Variants in MYO6 observed in about 807,000 individuals in gnomAD.
MYO6 encodes myosin VI.
A neutral mutation model predicts 178.7 loss-of-function variants in MYO6; 74 were observed. The ratio of observed to expected loss-of-function variants is 0.41; its 90% confidence interval spans 0.34 to 0.50. The LOEUF is 0.50. Ranked by LOEUF, MYO6 falls within the 20% of genes least tolerant of loss-of-function variation. The pLI, the probability that MYO6 is intolerant of heterozygous loss-of-function variation, is 0.09. For synonymous variants in MYO6, 477 were observed against 504.6 expected (o/e 0.95, Z 0.73); for missense variants, 1,330 against 1,547.4 (o/e 0.86, Z 2.36).
At chr6:75,784,776 C>CAAAAAAAAAAA (rs754218278) in intron 1 of MYO6, among the ~76,000 whole-genome samples, 7 of 54,408 alleles carry the variant, frequency 1.3e-4, no homozygotes, top group African/African-American at 4.5e-4. Flanking sequence ...GACTCCGTCT[C>CAAAAAAAAAAA]AAAAAAAAAA....
In MYO6 at chr6:75,855,266, C is replaced by T; in HGVS notation, c.1206C>T (p.Thr402=). 1 of 1,613,424 alleles carries T rather than the reference C, an allele frequency of 6.2e-7. No individual in the cohort carries two copies. Among genetic ancestry groups the T allele is most frequent in the Non-Finnish European group, 8.5e-7 (1 of 1,179,624 alleles). ...TRVMLTTAGG[T]KGTVIKVPLK... ...TCATGCTAACAACAGCAGGGGGCAC[C>T]AAAGGAACAGTTATAAAGTAAGTTC... Residue 402 remains threonine, a synonymous_variant, in exon 12 of 35, where the codon ACC becomes ACT. Coordinates refer to ENST00000369977, the MANE Select transcript of MYO6 (RefSeq NM_004999.4).
intron 1 of MYO6, among the ~76,000 whole-genome samples, chr6:75,787,730 C>A (rs2748961): frequency 0.13 from 1,392 of 11,004 alleles, 107 homozygotes; most frequent in African/African-American, 0.16. Flanking sequence ...CTCTCTCTCT[C>A]TATATATATA....
intron 10 of MYO6, among the ~76,000 whole-genome samples, chr6:75,848,016 TTCAC>T (rs1416092343): frequency 6.6e-6 from 1 of 152,124 alleles, no homozygotes; most frequent in East Asian, 1.9e-4. Flanking sequence ...TCCCTCCTTT[TTCAC>T]TCAATTTTTG....
At chr6:75,807,618 A>G (rs576007679) in intron 1 of MYO6, among the ~76,000 whole-genome samples, 1 of 152,342 alleles carries the variant, frequency 6.6e-6, no homozygotes, top group Non-Finnish European at 1.5e-5. Flanking sequence ...CACACAAGAA[A>G]GAATTTCAGA....
intron 10 of MYO6, among the ~76,000 whole-genome samples, chr6:75,845,418 C>T (rs1375401620): frequency 2.0e-5 from 3 of 152,050 alleles, no homozygotes; most frequent in South Asian, 2.1e-4. Flanking sequence ...ATAGGCTAGG[C>T]GTGGTGGCTC....
intron 2 of MYO6, among the ~76,000 whole-genome samples, chr6:75,819,721 T>G (rs956574301): frequency 8.5e-5 from 13 of 152,258 alleles, no homozygotes; most frequent in Non-Finnish European, 1.8e-4. Context: ...GCACATGCTA[T>G]GCATTTTGAT....
chr6:75,910,507 A>G (rs1780681401), intron 32 of MYO6, among the ~76,000 whole-genome samples: 1 of 152,132 alleles, frequency 6.6e-6, no homozygotes, highest in African/African-American at 2.4e-5. Flanking sequence ...TTTGTAATAT[A>G]TTATTTAAGA....
intron 20 of MYO6, among the ~76,000 whole-genome samples, chr6:75,874,592 G>T (rs867340653): frequency 1.4e-4 from 22 of 152,142 alleles, no homozygotes; most frequent in Non-Finnish European, 3.2e-4. Flanking sequence ...GCCTGGTTGA[G>T]GCTTATAGTT....
chr6:75,848,434 T>C lies in MYO6; in HGVS notation c.981T>C (p.Ile327=). The C allele has an allele frequency of 6.2e-7, 1 of 1,613,876 alleles. No individual in the cohort carries two copies. ...GAATGTGCACGGCTATGAAAAAAAT[T>C]GGTTTGGATGATGAAGAAAAGCTTG... ...FIRMCTAMKK[I]GLDDEEKLDL... is the part of the protein sequence containing the mutation. Residue 327 remains isoleucine (I), a synonymous_variant, in exon 11 of 35, where the codon ATT becomes ATC. Transcript: ENST00000369977.
At chr6:75,905,526 C>A (rs1562311180) in intron 30 of MYO6, among the ~76,000 whole-genome samples, 1 of 152,236 alleles carries the variant, frequency 6.6e-6, no homozygotes, top group Non-Finnish European at 1.5e-5. Flanking sequence ...AAAGGGAACT[C>A]CCTGACCCCT....
At chr6:75,904,316 A>C (rs1167152980) in intron 30 of MYO6, among the ~76,000 whole-genome samples, 1 of 151,292 alleles carries the variant, frequency 6.6e-6, no homozygotes, top group Non-Finnish European at 1.5e-5. Flanking sequence ...AATATCCTGC[A>C]GAGTGTTTTC....
chr6:75,903,865 C>T (rs1410141113), intron 30 of MYO6, among the ~76,000 whole-genome samples: 2 of 151,612 alleles, frequency 1.3e-5, no homozygotes, highest in Non-Finnish European at 2.9e-5. Context: ...GCGGCTGGTA[C>T]CGGTTGTTCC....
At chr6:75,913,662 G>A (rs1446193375) in intron 33 of MYO6, among the ~76,000 whole-genome samples, 1 of 152,102 alleles carries the variant, frequency 6.6e-6, no homozygotes, top group Non-Finnish European at 1.5e-5. Context: ...ATCATAAATA[G>A]TTGAATAAAA....
At chr6:75,805,376 T>C (rs2150130384) in intron 1 of MYO6, among the ~76,000 whole-genome samples, 1 of 152,250 alleles carries the variant, frequency 6.6e-6, no homozygotes, top group African/African-American at 2.4e-5. Context: ...AGCTCATGTT[T>C]TGTGATATGA....
intron 1 of MYO6, among the ~76,000 whole-genome samples, chr6:75,785,485 T>G (rs1225542245): frequency 6.6e-6 from 1 of 150,562 alleles, no homozygotes; most frequent in Non-Finnish European, 1.5e-5. Flanking sequence ...TTTTTTTTTT[T>G]TTTTGAGACT....
At chr6:75,841,708 T>G (rs868453061) in intron 9 of MYO6, among the ~76,000 whole-genome samples, 9 of 152,068 alleles carry the variant, frequency 5.9e-5, no homozygotes, top group Middle Eastern at 6.8e-3. Context: ...AAAAAAAAAT[T>G]TTGTATAATT....
chr6:75,758,139 A>G (rs1202093318), intron 1 of MYO6, among the ~76,000 whole-genome samples: 1 of 151,648 alleles, frequency 6.6e-6, no homozygotes, highest in African/African-American at 2.4e-5. Flanking sequence ...CACCATGCCC[A>G]GCCAATTTTT....
At chr6:75,881,321 G>A (rs1399969761) in intron 22 of MYO6, among the ~76,000 whole-genome samples, 1 of 152,084 alleles carries the variant, frequency 6.6e-6, no homozygotes, top group African/African-American at 2.4e-5. Context: ...GCTCCATAAG[G>A]ATATCTGAGA....
intron 16 of MYO6, 151 bp from the exon 17 acceptor site, chr6:75,866,375 G>T: frequency 3.5e-6 from 2 of 568,530 alleles, no homozygotes; most frequent in Non-Finnish European, 3.2e-6. Flanking sequence ...ATACTTTAAG[G>T]CATACTCAAT....
Sources: gnomAD v4.1 joint callset for allele counts (sites outside exome capture counted in the v4.1 genomes callset) on GRCh38, gnomAD v4.1.1 for gene constraint, MANE v1.5 for transcripts, NCBI Gene and HGNC (gene_info 2026-07-23, HGNC 2026-07-21) for gene names.